EIF2A: variants seen among roughly 807,000 people sequenced by gnomAD.
The protein encoded by EIF2A is eukaryotic translation initiation factor 2A.
Under a neutral mutation model 75.2 loss-of-function variants are expected in EIF2A, and 62 were observed. The observed-to-expected ratio is 0.82, with a 90% CI of 0.67 to 1.02. The LOEUF (loss-of-function observed/expected upper bound fraction) is 1.02, where lower values mean the gene tolerates loss of function less well. Ranked by LOEUF, EIF2A falls within the 50% of genes least tolerant of loss-of-function variation. EIF2A has a pLI of 0.00. For synonymous variants in EIF2A, 207 were observed against 239.0 expected, an observed-to-expected ratio of 0.87 and a Z score of 1.23; for missense variants, 611 against 677.7, an observed-to-expected ratio of 0.90 and a Z score of 1.09.
intron 2 of EIF2A, among the ~76,000 whole-genome samples, chr3:150,555,858 T>C (rs968305011): frequency 5.3e-5 from 8 of 152,080 alleles, no homozygotes; most frequent in Middle Eastern, 3.2e-3. Flanking sequence ...GCAAGTATGA[T>C]GGGATATACT....
chr3:150,558,576 G>A, intron 3 of EIF2A, 114 bp downstream of exon 3: 1 of 888,752 alleles, frequency 1.1e-6, no homozygotes, highest in Non-Finnish European at 1.6e-6. Flanking sequence ...TTAATGTCAT[G>A]ATGTAGTGAG....
At chr3:150,548,627 C>G (rs1334664605) in intron 1 of EIF2A, among the ~76,000 whole-genome samples, 3 of 152,140 alleles carry the variant, frequency 2.0e-5, no homozygotes, top group African/African-American at 7.2e-5. Context: ...GAGCGCAAAC[C>G]CTATTTTGAA....
chr3:150,570,107 T>C (rs1724420894), intron 9 of EIF2A, among the ~76,000 whole-genome samples: 2 of 152,222 alleles, frequency 1.3e-5, no homozygotes, highest in Admixed American at 6.5e-5. Context: ...GCAGAGGAAT[T>C]AGAAGAATAT....
intron 13 of EIF2A, 94 bp from the exon 14 acceptor site, chr3:150,583,752 A>G: frequency 8.5e-7 from 1 of 1,175,130 alleles, no homozygotes; most frequent in Non-Finnish European, 1.2e-6. Context: ...TAGTGAACAT[A>G]ATAAATTGTC....
intron 2 of EIF2A, among the ~76,000 whole-genome samples, chr3:150,557,409 AT>A (rs1169719966): frequency 1.3e-5 from 2 of 151,806 alleles, no homozygotes; most frequent in African/African-American, 4.8e-5. Flanking sequence ...GATTTTTTTT[AT>A]TTTTATTTTT....
Position 150,562,588 on chromosome 3 carries a change from G to C in EIF2A, c.220G>C (p.Asp74His), listed in dbSNP as rs150871868. 2 of 1,613,396 alleles carry C rather than the reference G, an allele frequency of 1.2e-6. No individual in the cohort carries two copies. The highest frequency in any genetic ancestry group is 4.5e-5 in the East Asian group (2 of 44,850). The change falls in exon 4 of 14, where the codon GAC (aspartate) becomes CAC (histidine). Residue 74 changes from aspartate to histidine, a missense_variant. Physicochemically the swap from Asp to His is moderately conservative, Grantham distance 81. Coordinates refer to ENST00000460851, the MANE Select transcript of EIF2A (RefSeq NM_032025.5). ...TAACAAGGGACTACTGCACTCCTTC[G>C]ACCTCCTGAAGGCAGTTTGCCTTGA... ...VTNKGLLHSF[D>H]LLKAVCLEFS...
At chr3:150,564,428 T>C in intron 6 of EIF2A, 47 bp downstream of exon 6, 1 of 1,444,718 alleles carries the variant, frequency 6.9e-7, no homozygotes, top group Non-Finnish European at 9.3e-7. Context: ...TGTAATCGTA[T>C]ACAGTTTCCA....
intron 4 of EIF2A, among the ~76,000 whole-genome samples, chr3:150,563,166 G>T (rs954249130): frequency 4.6e-5 from 7 of 151,942 alleles, no homozygotes; most frequent in Non-Finnish European, 8.8e-5. Flanking sequence ...AGTTATAGGG[G>T]CTTATTTTAA....
At chr3:150,561,143 T>A (rs914620185) in intron 3 of EIF2A, among the ~76,000 whole-genome samples, 1 of 152,172 alleles carries the variant, frequency 6.6e-6, no homozygotes, top group African/African-American at 2.4e-5. Flanking sequence ...ATTTTTTTTT[T>A]AATTGAGATG....
At position 150,552,437 on chromosome 3, in the gene EIF2A, T is replaced by A. The variant is rs1559873778; in HGVS notation, c.98+12T>A. 2 of 1,550,328 alleles carry A rather than the reference T, an allele frequency of 1.3e-6. No individual in the cohort carries two copies. Among genetic ancestry groups the A allele is most frequent in the Non-Finnish European group, 1.7e-6 (2 of 1,145,796 alleles). On this transcript the variant is annotated intron_variant, in intron 2 of 13. Transcript: ENST00000460851. ...ACAGTGTTTCCAAGGTATGATTTAT[T>A]TTGTTAAGTAATGTTATAGGGAACA...
intron 1 of EIF2A, among the ~76,000 whole-genome samples, chr3:150,551,718 C>T (rs1468684890): frequency 1.3e-5 from 2 of 151,868 alleles, no homozygotes; most frequent in African/African-American, 4.8e-5. Flanking sequence ...ACAGCAAGAC[C>T]CTGTCTCAAA....
chr3:150,584,244 C>A lies in EIF2A; in HGVS notation c.*333C>A. 1 of 180,080 alleles carries A rather than the reference C, an allele frequency of 5.6e-6. No homozygotes were observed. Among genetic ancestry groups the A allele is most frequent in the Non-Finnish European group, 1.1e-5 (1 of 87,210 alleles). The allele number at this position is 180,080 out of a possible 1,614,324, so 11.2% of individuals were successfully genotyped here. A position where few individuals can be genotyped will look rare whatever the true frequency, so the allele number is the denominator to read the frequency against. On this transcript the variant is annotated 3_prime_UTR_variant, in exon 14 of 14. Transcript: ENST00000460851. The stretch of plus-strand genomic sequence containing the variant: ...TGAACAAAGACATTTTAAATTTAAT[C>A]ACTGTTTTTATTATAAGTTCCTTAG...
Position 150,573,631 on chromosome 3 carries a change from A to G in EIF2A, c.1383+1102A>G, listed in dbSNP as rs553407250. Among the ~76,000 whole-genome samples, 3 of 152,246 alleles carry G rather than the reference A, an allele frequency of 2.0e-5. No individual in the cohort carries two copies. In the South Asian group the frequency reaches 6.2e-4, roughly 32 times the overall value. ...GCGTGATGATTGTGTGGTCCTGTCAAATCATTTTAGTTGAAGTAGCTATAT... is the reference window on the plus strand; with the variant it reads ...GCGTGATGATTGTGTGGTCCTGTCAGATCATTTTAGTTGAAGTAGCTATAT... On this transcript the variant is annotated intron_variant, in intron 10 of 13. Coordinates refer to ENST00000460851, the MANE Select transcript of EIF2A (RefSeq NM_032025.5).
In EIF2A at chr3:150,585,185, T is replaced by TG. The variant is rs1725404513; in HGVS notation, c.*1275dup. Among the ~76,000 whole-genome samples, 1 of 152,132 alleles carries TG rather than the reference T, an allele frequency of 6.6e-6. No individual in the cohort carries two copies. The highest frequency in any genetic ancestry group is 1.5e-5 in the Non-Finnish European group (1 of 68,024). On this transcript the variant is annotated 3_prime_UTR_variant, in exon 14 of 14. Transcript: ENST00000460851. The stretch of plus-strand genomic sequence containing the variant: ...CTGACACTACAGGCTTGCATCACTA[T>TG]GCCCAGCTTATACTCACCATAGTGG...
At chr3:150,551,438 A>G (rs912035398) in intron 1 of EIF2A, among the ~76,000 whole-genome samples, 11 of 152,148 alleles carry the variant, frequency 7.2e-5, no homozygotes, top group Admixed American at 2.6e-4. Flanking sequence ...ACCATTTAAA[A>G]AAGTATAGTC....
At position 150,572,002 on chromosome 3, in the gene EIF2A, A is replaced by G. The variant is rs1295552724; in HGVS notation, c.856A>G (p.Thr286Ala). 1.9e-6 allele frequency: 3 copies of G among 1,613,350 alleles called. No homozygotes were observed. The highest frequency in any genetic ancestry group is 2.5e-6 in the Non-Finnish European group (3 of 1,179,748). Reference sequence around the variant, plus strand: ...TGATGTAGTTTGGAATTCTAGTTCTACTGAGTTTTGTGCTGTATATGGTTT... The same window carrying G: ...TGATGTAGTTTGGAATTCTAGTTCTGCTGAGTTTTGTGCTGTATATGGTTT... ...IYDVVWNSSS[T>A]EFCAVYGFMP... Residue 286 changes from threonine to alanine, a missense_variant, in exon 10 of 14, where the codon ACT (threonine) becomes GCT (alanine). Physicochemically the swap from Thr to Ala is moderately conservative, Grantham distance 58. Coordinates refer to ENST00000460851, the MANE Select transcript of EIF2A (RefSeq NM_032025.5).
intron 8 of EIF2A, 39 bp from the exon 9 acceptor site, chr3:150,568,137 T>C: frequency 6.2e-7 from 1 of 1,603,802 alleles, no homozygotes. Context: ...TCAATGCCCA[T>C]TTGTGTTTTA....
At chr3:150,573,716 A>T (rs1435959989) in intron 10 of EIF2A, among the ~76,000 whole-genome samples, 1 of 152,202 alleles carries the variant, frequency 6.6e-6, no homozygotes, top group Non-Finnish European at 1.5e-5. Flanking sequence ...AATTACAAAG[A>T]AAATACTGTC....
chr3:150,581,757 T>A lies in EIF2A; in HGVS notation c.1626+11T>A, dbSNP rs766368184. The A allele has an allele frequency of 6.4e-7, 1 of 1,556,470 alleles. No individual in the cohort carries two copies. Among genetic ancestry groups the A allele is most frequent in the South Asian group, 1.2e-5 (1 of 84,266 alleles). Reference sequence around the variant, plus strand: ...AAGAACCTAAAGAAGGTGAGAGACTTAAAAACAGATGTGCATATTGAAAGG... The same window carrying A: ...AAGAACCTAAAGAAGGTGAGAGACTAAAAAACAGATGTGCATATTGAAAGG... On this transcript the variant is annotated intron_variant, in intron 12 of 13. Transcript: ENST00000460851.
Sources: allele counts gnomAD v4.1 joint callset (sites outside exome capture counted in the v4.1 genomes callset), GRCh38; gene constraint gnomAD v4.1.1; transcripts MANE v1.5; gene names NCBI Gene and HGNC (gene_info 2026-07-23, HGNC 2026-07-21).